CDK5RAP2: variants seen among roughly 807,000 people sequenced by gnomAD.
CDK5RAP2 encodes the protein CDK5 regulatory subunit-associated protein 2.
In CDK5RAP2, 147 loss-of-function variants were observed where a neutral mutation model predicts 232.9. That is an observed-to-expected ratio of 0.63 (90% CI 0.55 to 0.72). CDK5RAP2 has a LOEUF of 0.72. Ranked by LOEUF, CDK5RAP2 falls within the 30% of genes least tolerant of loss-of-function variation. The pLI is 0.00. For synonymous variants in CDK5RAP2, 833 were observed against 833.7 expected (o/e 1.00, Z 0.01); for missense variants, 2,195 against 2,231.5 (o/e 0.98, Z 0.33).
At chr9:120,494,561 C>T (rs1388230526) in intron 12 of CDK5RAP2, among the ~76,000 whole-genome samples, 2 of 152,078 alleles carry the variant, frequency 1.3e-5, no homozygotes, top group Non-Finnish European at 2.9e-5. Flanking sequence ...TGGCTTATAA[C>T]TTATAGAGTA....
At chr9:120,431,956 A>C (rs1295231560) in intron 25 of CDK5RAP2, among the ~76,000 whole-genome samples, 2 of 152,214 alleles carry the variant, frequency 1.3e-5, no homozygotes, top group African/African-American at 4.8e-5. Flanking sequence ...AAAAATGTAC[A>C]TTGCAGGTTT....
chr9:120,541,105 G>C (rs1467230385), intron 5 of CDK5RAP2, among the ~76,000 whole-genome samples: 1 of 152,174 alleles, frequency 6.6e-6, no homozygotes, highest in Admixed American at 6.5e-5. Flanking sequence ...CCGAGCCTTG[G>C]CTACAGGATT....
chr9:120,421,733 T>C (rs2131376873), intron 26 of CDK5RAP2, among the ~76,000 whole-genome samples: 1 of 152,368 alleles, frequency 6.6e-6, no homozygotes, highest in South Asian at 2.1e-4. Flanking sequence ...ATGATTATTT[T>C]CTGATCTCCA....
chr9:120,579,983 A>G lies in CDK5RAP2; in HGVS notation c.-5T>C, dbSNP rs559670682. On this transcript the variant is annotated 5_prime_UTR_variant, in exon 1 of 38. Coordinates refer to ENST00000349780, the MANE Select transcript of CDK5RAP2 (RefSeq NM_018249.6). ...TTCCAACACCAAGTCCATCATGGCT[A>G]CAGAGGTGGCGACAGCGTTGGTGTC... 1.2e-6 allele frequency: 2 copies of G among 1,602,870 alleles called. No homozygotes were observed. Among genetic ancestry groups the G allele is most frequent in the Admixed American group, 3.3e-5 (2 of 59,950 alleles).
chr9:120,413,838 GGAGGGAA>G (rs1293936264), intron 28 of CDK5RAP2, among the ~76,000 whole-genome samples: 279 of 150,632 alleles, frequency 1.9e-3, no homozygotes, highest in African/African-American at 5.2e-3. Flanking sequence ...GGAGGAGGGA[GGAGGGAA>G]GGAGGAGGGA....
intron 6 of CDK5RAP2, among the ~76,000 whole-genome samples, chr9:120,537,674 C>T (rs2041451930): frequency 6.6e-6 from 1 of 150,966 alleles, no homozygotes. Flanking sequence ...CACACTGTGC[C>T]TGTTTCATCA....
chr9:120,532,865 A>G (rs2041215016), intron 7 of CDK5RAP2, among the ~76,000 whole-genome samples: 1 of 152,020 alleles, frequency 6.6e-6, no homozygotes, highest in African/African-American at 2.4e-5. Flanking sequence ...AGACTCTACC[A>G]CCTAGAACAC....
At chr9:120,475,119 T>C (rs1208841321) in intron 15 of CDK5RAP2, among the ~76,000 whole-genome samples, 2 of 152,166 alleles carry the variant, frequency 1.3e-5, no homozygotes, top group African/African-American at 4.8e-5. Flanking sequence ...GTAAAGCAGG[T>C]AGACATCTAA....
intron 9 of CDK5RAP2, 51 bp downstream of exon 9, chr9:120,528,693 G>T: frequency 1.7e-6 from 2 of 1,158,618 alleles, no homozygotes; most frequent in East Asian, 2.3e-5. Context: ...AAAACAAGAG[G>T]CAAGAATAGG....
In CDK5RAP2 at chr9:120,455,058, T is replaced by C. The variant is rs552058959; in HGVS notation, c.2376-1185A>G. Among the ~76,000 whole-genome samples, 13 of 152,314 alleles carry C rather than the reference T, an allele frequency of 8.5e-5. 1 individual carries two copies. The South Asian group carries it at 2.1e-3, about 24-fold the overall frequency. ...AGTAACTCAAGAAGAGCCCCTTGTG[T>C]GTTTCTTGTGCTGGGCACTGCAGTG... On this transcript the variant is annotated intron_variant, in intron 20 of 37. Coordinates refer to ENST00000349780, the MANE Select transcript of CDK5RAP2 (RefSeq NM_018249.6).
At chr9:120,402,162 ACACG>A (rs2033082288) in intron 34 of CDK5RAP2, among the ~76,000 whole-genome samples, 1 of 152,034 alleles carries the variant, frequency 6.6e-6, no homozygotes, top group Admixed American at 6.6e-5. Flanking sequence ...GTGTGATGGC[ACACG>A]CCTGTGGTCA....
At chr9:120,544,133 T>G (rs1200373072) in intron 5 of CDK5RAP2, among the ~76,000 whole-genome samples, 1 of 152,120 alleles carries the variant, frequency 6.6e-6, no homozygotes, top group African/African-American at 2.4e-5. Context: ...GTTTGGGAAA[T>G]ATACACATAT....
rs1564363230 is a variant in CDK5RAP2, at chr9:120,545,734, C to T, written c.363G>A (p.Glu121=). The change falls in exon 5 of 38, where the codon GAG becomes GAA. Residue 121 remains glutamate, a synonymous_variant. Transcript: ENST00000349780. ...CTCACGAGGCTTTGATGAGCAGCTGCTCTCTCTCCTGGAGTTCCCGCTTCA... is the reference window on the plus strand; with the variant it reads ...CTCACGAGGCTTTGATGAGCAGCTGTTCTCTCTCCTGGAGTTCCCGCTTCA... ...ESLKRELQER[E]QLLIKASKAV... 3.7e-6 allele frequency: 6 copies of T among 1,613,674 alleles called. No homozygotes were observed. Among genetic ancestry groups the T allele is most frequent in the Non-Finnish European group, 5.1e-6 (6 of 1,179,714 alleles).
chr9:120,401,599 A>G (rs563199807), intron 34 of CDK5RAP2, among the ~76,000 whole-genome samples: 4 of 130,854 alleles, frequency 3.1e-5, no homozygotes, highest in Non-Finnish European at 4.7e-5. Flanking sequence ...CAACATGGCC[A>G]GACCCTGTCT....
At chr9:120,577,590 G>A (rs746960563) in intron 1 of CDK5RAP2, among the ~76,000 whole-genome samples, 3 of 152,184 alleles carry the variant, frequency 2.0e-5, no homozygotes, top group South Asian at 2.1e-4. Context: ...CAGTATCTAC[G>A]TCCTGCAAAG....
intron 3 of CDK5RAP2, among the ~76,000 whole-genome samples, chr9:120,556,656 T>G (rs1171180337): frequency 1.3e-5 from 2 of 152,130 alleles, no homozygotes; most frequent in African/African-American, 4.8e-5. Flanking sequence ...CTTGAACTCC[T>G]GACCTCAGGC....
At chr9:120,489,696 A>AG (rs1257344081) in intron 13 of CDK5RAP2, among the ~76,000 whole-genome samples, 3 of 151,902 alleles carry the variant, frequency 2.0e-5, no homozygotes, top group Non-Finnish European at 1.5e-5. Context: ...TATCCAAAGG[A>AG]GTTATAGCCC....
intron 36 of CDK5RAP2, chr9:120,390,048 T>C (rs2031789119): frequency 2.0e-6 from 1 of 489,446 alleles, no homozygotes; most frequent in Admixed American, 3.1e-5. Flanking sequence ...GGCTACAGCA[T>C]GCTATGCCGG....
chr9:120,437,524 G>T lies in CDK5RAP2; in HGVS notation c.3726C>A (p.Tyr1242Ter), dbSNP rs781601020. 1 of 1,608,580 alleles carries T rather than the reference G, an allele frequency of 6.2e-7. No homozygotes were observed. Among genetic ancestry groups the T allele is most frequent in the South Asian group, 1.1e-5 (1 of 90,990 alleles). Residue 1242 changes from tyrosine (Y) to a stop codon, truncating the protein, a stop_gained, in exon 25 of 38, where the codon TAC becomes TAA. Coordinates refer to ENST00000349780, the MANE Select transcript of CDK5RAP2 (RefSeq NM_018249.6). LOFTEE classifies it high-confidence loss of function. ...TGGCTTGGGACTGAACTAATGAATC[G>T]TATCTGATAAAAGAGGGGAAAGAAA... Reference protein sequence around the residue: ...NKFRDLSPPRYDSLVQSQARE... With the variant: ...NKFRDLSPPR
Sources: allele counts gnomAD v4.1 joint callset (sites outside exome capture counted in the v4.1 genomes callset), GRCh38; gene constraint gnomAD v4.1.1; transcripts MANE v1.5; gene names NCBI Gene and HGNC (gene_info 2026-07-23, HGNC 2026-07-21).